Variants in CCDC178 observed in about 807,000 individuals in gnomAD.
CCDC178 encodes coiled-coil domain-containing protein 178.
Under a neutral mutation model 117.4 loss-of-function variants are expected in CCDC178, and 126 were observed. That is an observed-to-expected ratio of 1.07 (90% CI 0.93 to 1.24). CCDC178 has a LOEUF of 1.24. Ranked by LOEUF, CCDC178 falls within the 50% of genes most tolerant of loss-of-function variation. CCDC178 has a pLI of 0.00. For missense variants in CCDC178, 1,030 were observed against 986.9 expected, an observed-to-expected ratio of 1.04 and a Z score of -0.59; for synonymous variants, 283 against 313.4, an observed-to-expected ratio of 0.90 and a Z score of 1.02.
At chr18:33,308,404 G>A (rs1440995284) in intron 11 of CCDC178, among the ~76,000 whole-genome samples, 1 of 152,130 alleles carries the variant, frequency 6.6e-6, no homozygotes, top group African/African-American at 2.4e-5. Flanking sequence ...CCCAATGCTT[G>A]TACCCCCATT....
intron 2 of CCDC178, among the ~76,000 whole-genome samples, chr18:33,429,336 G>C (rs1295643716): frequency 6.6e-6 from 1 of 152,056 alleles, no homozygotes; most frequent in Non-Finnish European, 1.5e-5. Context: ...GGGAGAGAGG[G>C]AGAAAAGCAG....
chr18:33,335,118 G>A (rs11081800), intron 9 of CCDC178, among the ~76,000 whole-genome samples: 40,724 of 151,522 alleles, frequency 0.27, 5,807 homozygotes, highest in East Asian at 0.49. Context: ...TCTGCATTAC[G>A]TATTTTTATT....
At chr18:33,207,336 A>G (rs1490662146) in intron 20 of CCDC178, among the ~76,000 whole-genome samples, 1 of 152,154 alleles carries the variant, frequency 6.6e-6, no homozygotes, top group Non-Finnish European at 1.5e-5. Context: ...TAAATCTAGT[A>G]ATGTACTAAA....
rs114009231 is a variant in CCDC178 at position 33,276,671 on chromosome 18, T to G, written c.1177-9374A>C. 7.3e-3 allele frequency among the ~76,000 whole-genome samples: 1,113 copies of G among 152,184 alleles called. 9 individuals carry two copies. The highest frequency in any genetic ancestry group is 0.026 in the African/African-American group (1,063 of 41,538). Reference sequence around the variant, plus strand: ...AAGATGAGGACAAAAGAATAATGATTAGATTTAGCAAAATGGAAATCACTG... The same window carrying G: ...AAGATGAGGACAAAAGAATAATGATGAGATTTAGCAAAATGGAAATCACTG... On this transcript the variant is annotated intron_variant, in intron 12 of 22. Transcript: ENST00000383096.
rs571357604 is a variant in CCDC178, at chr18:33,218,000, T to C, written c.1933-2305A>G. ...ATGAAAATGAAATGATGTGCTGTTA[T>C]GTCTGTGCACTTAAAACAATGCCTG... On this transcript the variant is annotated intron_variant, in intron 18 of 22. Coordinates refer to ENST00000383096, the MANE Select transcript of CCDC178 (RefSeq NM_001105528.4). Among the ~76,000 whole-genome samples the C allele has an allele frequency of 1.1e-4, 16 of 152,254 alleles. No homozygotes were observed. In the South Asian group the frequency reaches 1.2e-3, roughly 12 times the overall value.
chr18:33,421,959 AC>A (rs2064032697), intron 2 of CCDC178, among the ~76,000 whole-genome samples: 1 of 152,154 alleles, frequency 6.6e-6, no homozygotes, highest in Admixed American at 6.5e-5. Flanking sequence ...CAGAAACGAA[AC>A]AGAAGAAATC....
At chr18:33,027,996 T>C (rs1428217942) in intron 21 of CCDC178, among the ~76,000 whole-genome samples, 1 of 151,776 alleles carries the variant, frequency 6.6e-6, no homozygotes, top group Non-Finnish European at 1.5e-5. Context: ...ACATTTATAC[T>C]TTTACAATGC....
chr18:33,389,677 G>GA, intron 4 of CCDC178, 48 bp from the exon 5 acceptor site: 1 of 986,888 alleles, frequency 1.0e-6, no homozygotes, highest in Non-Finnish European at 1.4e-6. Flanking sequence ...TAATATTATA[G>GA]AAAATTTTAA....
intron 9 of CCDC178, among the ~76,000 whole-genome samples, chr18:33,345,267 C>A (rs1178261349): frequency 6.6e-6 from 1 of 152,140 alleles, no homozygotes; most frequent in Non-Finnish European, 1.5e-5. Flanking sequence ...CAGCTTCAGG[C>A]AGAATCAGGA....
intron 21 of CCDC178, among the ~76,000 whole-genome samples, chr18:33,012,193 G>A (rs1390665690): frequency 6.6e-6 from 1 of 152,132 alleles, no homozygotes; most frequent in East Asian, 1.9e-4. Context: ...ATACTTAAAT[G>A]TTATTTCTGC....
At chr18:33,280,888 A>G (rs1275647393) in intron 12 of CCDC178, among the ~76,000 whole-genome samples, 2 of 152,010 alleles carry the variant, frequency 1.3e-5, no homozygotes, top group Non-Finnish European at 2.9e-5. Context: ...TCACTCATAG[A>G]TGGGAATTGA....
chr18:33,236,259 A>C (rs536073571), intron 15 of CCDC178, among the ~76,000 whole-genome samples: 1 of 152,224 alleles, frequency 6.6e-6, no homozygotes, highest in African/African-American at 2.4e-5. Flanking sequence ...TCAGATTTAG[A>C]GTGTTCTAAA....
At chr18:32,989,654 A>C (rs2055346800) in intron 21 of CCDC178, among the ~76,000 whole-genome samples, 1 of 152,178 alleles carries the variant, frequency 6.6e-6, no homozygotes, top group Non-Finnish European at 1.5e-5. Flanking sequence ...CATGTGTCAA[A>C]TATTTCCTTC....
chr18:33,072,306 C>T (rs550959512), intron 21 of CCDC178, among the ~76,000 whole-genome samples: 2 of 151,924 alleles, frequency 1.3e-5, no homozygotes, highest in South Asian at 4.2e-4. Flanking sequence ...AGGATATTAC[C>T]CTCTGAAATC....
intron 20 of CCDC178, among the ~76,000 whole-genome samples, chr18:33,195,098 T>C (rs978537396): frequency 1.5e-5 from 2 of 134,042 alleles, no homozygotes; most frequent in Admixed American, 7.9e-5. Flanking sequence ...GCCTGAATGA[T>C]AGAGCAAGGC....
chr18:32,988,391 G>A lies in CCDC178; in HGVS notation c.2389-13710C>T, dbSNP rs149033421. Among the ~76,000 whole-genome samples, 1,402 of 152,116 alleles carry A rather than the reference G, an allele frequency of 9.2e-3. 21 individuals are homozygous for A. The highest frequency in any genetic ancestry group is 0.032 in the African/African-American group (1,346 of 41,512). ...GCGGAGGTTGCAGCGAGCCGAGATC[G>A]TGCCACTGCATGCCAGCCTGGGCTA... On this transcript the variant is annotated intron_variant, in intron 21 of 22. Coordinates refer to ENST00000383096, the MANE Select transcript of CCDC178 (RefSeq NM_001105528.4).
At chr18:33,054,493 C>T (rs1444961546) in intron 21 of CCDC178, among the ~76,000 whole-genome samples, 1 of 152,198 alleles carries the variant, frequency 6.6e-6, no homozygotes, top group African/African-American at 2.4e-5. Context: ...CATCATTCAG[C>T]TCCCACTTAC....
At chr18:33,088,038 A>G (rs1037122929) in intron 21 of CCDC178, among the ~76,000 whole-genome samples, 2 of 152,146 alleles carry the variant, frequency 1.3e-5, no homozygotes, top group Non-Finnish European at 2.9e-5. Context: ...AATAGCAAAA[A>G]TACACAATTC....
At position 32,982,784 on chromosome 18, in the gene CCDC178, C is replaced by CAATTCCA. The variant is rs1007492992; in HGVS notation, c.2389-8110_2389-8104dup. Among the ~76,000 whole-genome samples the CAATTCCA allele has an allele frequency of 4.9e-4, 75 of 152,182 alleles. 1 individual carries two copies. Among genetic ancestry groups the CAATTCCA allele is most frequent in the African/African-American group, 1.7e-3 (70 of 41,528 alleles). On this transcript the variant is annotated intron_variant, in intron 21 of 22. Coordinates refer to ENST00000383096, the MANE Select transcript of CCDC178 (RefSeq NM_001105528.4). ...TAGGACAAGTATGAAAAGTGTGGAA[C>CAATTCCA]AATTCCAAATTTTTGAAGTAAAAAT... is the stretch of plus-strand genomic sequence containing the variant.
Sources: allele counts gnomAD v4.1 joint callset (sites outside exome capture counted in the v4.1 genomes callset), GRCh38; gene constraint gnomAD v4.1.1; transcripts MANE v1.5; gene names NCBI Gene and HGNC (gene_info 2026-07-23, HGNC 2026-07-21).